MACROD2: variants seen among roughly 807,000 people sequenced by gnomAD.
MACROD2 encodes ADP-ribose glycohydrolase MACROD2.
MACROD2 carries 36 observed loss-of-function variants against 70.4 expected under a neutral mutation model. The observed-to-expected ratio is 0.51, with a 90% confidence interval of 0.39 to 0.68. MACROD2 has a LOEUF of 0.68. MACROD2 is among the 30% of genes least tolerant of loss of function. The pLI is 0.00. For missense variants in MACROD2, 496 were observed against 538.4 expected, an observed-to-expected ratio of 0.92 and a Z score of 0.78; for synonymous variants, 172 against 178.8, an observed-to-expected ratio of 0.96 and a Z score of 0.30.
intron 5 of MACROD2, among the ~76,000 whole-genome samples, chr20:15,075,117 A>G (rs2075648241): frequency 6.6e-6 from 1 of 152,180 alleles, no homozygotes; most frequent in African/African-American, 2.4e-5. Context: ...GTAATGCTAA[A>G]GCCAGTATAG....
intron 3 of MACROD2, among the ~76,000 whole-genome samples, chr20:14,339,138 T>G (rs2082985872): frequency 6.6e-6 from 1 of 152,254 alleles, no homozygotes; most frequent in Non-Finnish European, 1.5e-5. Flanking sequence ...TATATTTGTT[T>G]GATAACAGTT....
At chr20:15,048,329 T>C (rs185452017) in intron 5 of MACROD2, among the ~76,000 whole-genome samples, 98 of 152,216 alleles carry the variant, frequency 6.4e-4, no homozygotes, top group Non-Finnish European at 1.2e-3. Flanking sequence ...AAGCCACTGA[T>C]ATGTAAAGGA....
chr20:14,185,023 C>T (rs560316228), intron 3 of MACROD2, among the ~76,000 whole-genome samples: 4 of 152,204 alleles, frequency 2.6e-5, no homozygotes, highest in African/African-American at 9.6e-5. Flanking sequence ...TGAATATAGA[C>T]ATCTTGTATA....
intron 5 of MACROD2, among the ~76,000 whole-genome samples, chr20:15,018,769 C>T (rs929811286): frequency 9.2e-5 from 14 of 152,172 alleles, no homozygotes; most frequent in Admixed American, 7.9e-4. Flanking sequence ...CCTTCCCCAG[C>T]CCACTGACTC....
intron 6 of MACROD2, among the ~76,000 whole-genome samples, chr20:15,399,840 G>C (rs2146305989): frequency 6.6e-6 from 1 of 152,292 alleles, no homozygotes; most frequent in Non-Finnish European, 1.5e-5. Flanking sequence ...AGGCCTCCAA[G>C]GACTCTTCCC....
At chr20:15,679,448 C>T (rs1371009368) in intron 8 of MACROD2, among the ~76,000 whole-genome samples, 1 of 149,766 alleles carries the variant, frequency 6.7e-6, no homozygotes, top group South Asian at 2.2e-4. Flanking sequence ...GCCTTGGTGG[C>T]CCCCATGAAC....
intron 3 of MACROD2, among the ~76,000 whole-genome samples, chr20:14,464,271 A>G (rs988066605): frequency 1.3e-4 from 19 of 151,948 alleles, no homozygotes; most frequent in Admixed American, 2.0e-4. Flanking sequence ...GGGAGGGTGT[A>G]TGTGTCGAGG....
At chr20:14,060,533 C>T (rs3848779) in intron 2 of MACROD2, among the ~76,000 whole-genome samples, 114,745 of 152,036 alleles carry the variant, frequency 0.75, 44,509 homozygotes, top group South Asian at 0.84. Flanking sequence ...AGGAGATAGA[C>T]GACATTTCTG....
chr20:14,899,545 G>A (rs2073871480), intron 5 of MACROD2, among the ~76,000 whole-genome samples: 1 of 152,114 alleles, frequency 6.6e-6, no homozygotes, highest in Non-Finnish European at 1.5e-5. Context: ...CTCTTTGTAT[G>A]TGCCTCTGTG....
intron 5 of MACROD2, among the ~76,000 whole-genome samples, chr20:15,113,070 T>C (rs1406486756): frequency 6.6e-6 from 1 of 152,198 alleles, no homozygotes; most frequent in Non-Finnish European, 1.5e-5. Flanking sequence ...CCAGTGTTTC[T>C]ATGAACATGA....
chr20:15,361,376 T>C (rs957490444), intron 6 of MACROD2, among the ~76,000 whole-genome samples: 3 of 152,204 alleles, frequency 2.0e-5, no homozygotes, highest in Non-Finnish European at 2.9e-5. Context: ...CGGTTGGCCA[T>C]ACATGTATGG....
At chr20:15,920,059 G>A (rs1324813416) in intron 10 of MACROD2, among the ~76,000 whole-genome samples, 1 of 152,174 alleles carries the variant, frequency 6.6e-6, no homozygotes, top group Non-Finnish European at 1.5e-5. Context: ...CATGGGAGAA[G>A]TGACAGGTTC....
intron 8 of MACROD2, among the ~76,000 whole-genome samples, chr20:15,739,399 A>G (rs749044370): frequency 2.0e-5 from 3 of 152,196 alleles, no homozygotes; most frequent in South Asian, 2.1e-4. Context: ...CAGAGAGAAC[A>G]CATTCTGTGA....
intron 4 of MACROD2, among the ~76,000 whole-genome samples, chr20:14,527,693 T>A (rs1171221505): frequency 6.6e-6 from 1 of 152,210 alleles, no homozygotes; most frequent in Non-Finnish European, 1.5e-5. Context: ...GTGTTTTACA[T>A]TAAAATAGCA....
intron 5 of MACROD2, among the ~76,000 whole-genome samples, chr20:14,838,949 T>C: frequency 6.6e-6 from 1 of 152,202 alleles, no homozygotes; most frequent in African/African-American, 2.4e-5. Context: ...TTGAAATGTC[T>C]TTGTGGTCAT....
At chr20:16,028,490 T>C (rs769444564) in intron 15 of MACROD2, among the ~76,000 whole-genome samples, 1 of 152,040 alleles carries the variant, frequency 6.6e-6, no homozygotes, top group Non-Finnish European at 1.5e-5. Context: ...AAGAGGCATA[T>C]GGAGGCATAT....
intron 6 of MACROD2, among the ~76,000 whole-genome samples, chr20:15,300,764 G>A (rs1326919631): frequency 6.6e-6 from 1 of 152,172 alleles, no homozygotes; most frequent in Non-Finnish European, 1.5e-5. Context: ...GTTAAGGCTG[G>A]TCAATGATAA....
intron 3 of MACROD2, among the ~76,000 whole-genome samples, chr20:14,457,560 G>T (rs1306043805): frequency 6.6e-6 from 1 of 152,036 alleles, no homozygotes; most frequent in Non-Finnish European, 1.5e-5. Context: ...AAATTCACAT[G>T]TGTACACACT....
chr20:15,247,456 G>C (rs532072167), intron 6 of MACROD2, among the ~76,000 whole-genome samples: 1 of 152,134 alleles, frequency 6.6e-6, no homozygotes, highest in South Asian at 2.1e-4. Flanking sequence ...CTTTATAGAA[G>C]AGTTATATAA....
Sources: gnomAD v4.1 joint callset for allele counts (sites outside exome capture counted in the v4.1 genomes callset) on GRCh38, gnomAD v4.1.1 for gene constraint, MANE v1.5 for transcripts, NCBI Gene and HGNC (gene_info 2026-07-23, HGNC 2026-07-21) for gene names.